The following GRID1 variants were observed in gnomAD, a reference collection of about 807,000 sequenced individuals.
GRID1 encodes glutamate ionotropic receptor delta type subunit 1.
GRID1 carries 28 observed loss-of-function variants against 98.0 expected under a neutral mutation model. The ratio of observed to expected loss-of-function variants is 0.29; its 90% CI spans 0.21 to 0.39. The LOEUF is 0.39. GRID1 is among the 10% of genes least tolerant of loss of function. The pLI, the probability that GRID1 is intolerant of heterozygous loss-of-function variation, is 1.00. For synonymous variants in GRID1, 553 were observed against 538.5 expected, an observed-to-expected ratio of 1.03 and a Z score of -0.37; for missense variants, 1,111 against 1,340.5, an observed-to-expected ratio of 0.83 and a Z score of 2.67.
At position 86,192,973 on chromosome 10, in the gene GRID1, A is replaced by G. The variant is rs1209396292; in HGVS notation, c.520+13391T>C. Among the ~76,000 whole-genome samples the G allele has an allele frequency of 6.6e-6, 1 of 151,958 alleles. No homozygotes were observed. The highest frequency in any genetic ancestry group is 1.5e-5 in the Non-Finnish European group (1 of 67,924). On this transcript the variant is annotated intron_variant, in intron 3 of 15. Coordinates refer to ENST00000327946, the MANE Select transcript of GRID1 (RefSeq NM_017551.3). This position sits in a 1 kb window ranked among gnomAD's most constrained non-coding sequence, Gnocchi z 4.8. ...GAGGCCAGAGCGTGTGTCTCAGGAG[A>G]GCCCGGGAGGATGGGAAGCAAGGAA...
At chr10:85,972,907 C>T (rs2131856038) in intron 4 of GRID1, among the ~76,000 whole-genome samples, 1 of 152,292 alleles carries the variant, frequency 6.6e-6, no homozygotes, top group South Asian at 2.1e-4. Flanking sequence ...AGCATTACTA[C>T]TTTTAATCAT....
chr10:85,608,578 CTCAATACTTGAATTATAT>C (rs1842698594), intron 15 of GRID1, among the ~76,000 whole-genome samples: 1 of 152,184 alleles, frequency 6.6e-6, no homozygotes, highest in Admixed American at 6.5e-5. Flanking sequence ...ATAGAAAGTG[CTCAATACTTGAATTATAT>C]TCATCACCCC....
At chr10:85,713,025 G>A (rs547208743) in intron 12 of GRID1, among the ~76,000 whole-genome samples, 29 of 151,534 alleles carry the variant, frequency 1.9e-4, no homozygotes, top group Admixed American at 4.6e-4. Flanking sequence ...AAGAACAAAC[G>A]AAGCCCAAAG....
chr10:85,649,423 T>C (rs752479060), intron 12 of GRID1, among the ~76,000 whole-genome samples: 2 of 152,206 alleles, frequency 1.3e-5, no homozygotes, highest in Admixed American at 6.5e-5. Flanking sequence ...AGATGTTCCT[T>C]TGCCTGAAGG....
At chr10:85,733,011 A>C (rs1173285354) in intron 8 of GRID1, among the ~76,000 whole-genome samples, 1 of 152,164 alleles carries the variant, frequency 6.6e-6, no homozygotes, top group Non-Finnish European at 1.5e-5. Context: ...TGTTGAAATA[A>C]GATTTCACTT....
chr10:85,767,796 C>T (rs1015995436), intron 8 of GRID1, among the ~76,000 whole-genome samples: 4 of 152,160 alleles, frequency 2.6e-5, no homozygotes, highest in Admixed American at 6.5e-5. Context: ...GCACCCATCC[C>T]GTCCTGATGC....
intron 8 of GRID1, among the ~76,000 whole-genome samples, chr10:85,796,844 T>C (rs1001772577): frequency 6.6e-5 from 10 of 152,232 alleles, no homozygotes; most frequent in Non-Finnish European, 1.3e-4. Context: ...TGAAATTTTA[T>C]ATCCAGACAA....
At chr10:86,246,993 T>C (rs1466367214) in intron 2 of GRID1, among the ~76,000 whole-genome samples, 1 of 152,268 alleles carries the variant, frequency 6.6e-6, no homozygotes, top group Non-Finnish European at 1.5e-5. Context: ...GCTTATCCAA[T>C]TAGAAATGAG....
chr10:85,714,020 A>T (rs1841610285), intron 12 of GRID1, among the ~76,000 whole-genome samples: 1 of 152,000 alleles, frequency 6.6e-6, no homozygotes, highest in Non-Finnish European at 1.5e-5. Context: ...CAATACAAAG[A>T]AATAAAAGAT....
chr10:85,747,078 A>C (rs953677894), intron 8 of GRID1, among the ~76,000 whole-genome samples: 35 of 152,116 alleles, frequency 2.3e-4, no homozygotes, highest in African/African-American at 8.4e-4. Flanking sequence ...TTGTGAGTTA[A>C]ACAGAACAGA....
chr10:85,748,929 C>A (rs553441422), intron 8 of GRID1, among the ~76,000 whole-genome samples: 2 of 152,210 alleles, frequency 1.3e-5, no homozygotes, highest in African/African-American at 4.8e-5. Context: ...TTACTTAAGC[C>A]AAAGATTTCA....
intron 4 of GRID1, among the ~76,000 whole-genome samples, chr10:86,026,941 C>CT (rs947167301): frequency 3.3e-5 from 5 of 152,158 alleles, no homozygotes; most frequent in African/African-American, 1.2e-4. Flanking sequence ...CTCACAGCTG[C>CT]GTGGAGACAA....
intron 8 of GRID1, among the ~76,000 whole-genome samples, chr10:85,797,318 T>C: frequency 6.6e-6 from 1 of 152,216 alleles, no homozygotes; most frequent in East Asian, 1.9e-4. Context: ...ACTCGGGTAC[T>C]GAGTATAGTA....
Position 86,224,569 on chromosome 10 carries a change from A to G in GRID1, c.236-17921T>C, listed in dbSNP as rs746743982. 1.7e-4 allele frequency among the ~76,000 whole-genome samples: 26 copies of G among 151,826 alleles called. 1 individual carries two copies. Among genetic ancestry groups the G allele is most frequent in the Non-Finnish European group, 2.8e-4 (19 of 67,948 alleles). On this transcript the variant is annotated intron_variant, in intron 2 of 15. Coordinates refer to ENST00000327946, the MANE Select transcript of GRID1 (RefSeq NM_017551.3). ...CACAAAAATAGGGGAGACGCACTCT[A>G]CTCTCAAAGACCCCAGCCCAGATGG...
At chr10:85,613,834 C>T (rs1032774434) in intron 14 of GRID1, among the ~76,000 whole-genome samples, 187 bp from the exon 15 acceptor site, 2 of 152,200 alleles carry the variant, frequency 1.3e-5, no homozygotes, top group East Asian at 1.9e-4. Context: ...ATTCCCAAAA[C>T]GCACATTAGG....
chr10:86,208,295 G>T (rs752282466), intron 2 of GRID1, among the ~76,000 whole-genome samples: 9 of 152,144 alleles, frequency 5.9e-5, no homozygotes, highest in Non-Finnish European at 1.0e-4. Context: ...CTAAACAAGA[G>T]ATGATGAGAT....
At chr10:86,308,051 C>T (rs1394372758) in intron 2 of GRID1, among the ~76,000 whole-genome samples, 1 of 152,144 alleles carries the variant, frequency 6.6e-6, no homozygotes, top group African/African-American at 2.4e-5. Flanking sequence ...CAACAGCCCC[C>T]TACATCCCCT....
chr10:85,982,172 T>G lies in GRID1; in HGVS notation c.727-65933A>C, dbSNP rs184448846. Among the ~76,000 whole-genome samples the G allele has an allele frequency of 3.4e-3, 484 of 142,104 alleles. 9 individuals are homozygous for G. Among genetic ancestry groups the G allele is most frequent in the Admixed American group, 0.027 (374 of 13,886 alleles). 93.2% of individuals were successfully genotyped at this position (142,104 alleles called of 152,430 possible). On this transcript the variant is annotated intron_variant, in intron 4 of 15. Coordinates refer to ENST00000327946, the MANE Select transcript of GRID1 (RefSeq NM_017551.3). ...GGCCATTTAGTGAGGGCCTTGAAAG[T>G]GATGAAAAGGGCTCTTGCCACAAAA... is the stretch of plus-strand genomic sequence containing the variant.
chr10:85,933,985 T>C (rs1333047960), intron 4 of GRID1, among the ~76,000 whole-genome samples: 1 of 152,142 alleles, frequency 6.6e-6, no homozygotes, highest in African/African-American at 2.4e-5. Flanking sequence ...TCAACATAAA[T>C]ATAGGCTGAG....
Sources: gnomAD v4.1 joint callset for allele counts (sites outside exome capture counted in the v4.1 genomes callset) on GRCh38, gnomAD v4.1.1 for gene constraint, Gnocchi (gnomAD v3.1) non-coding constraint, MANE v1.5 for transcripts, NCBI Gene and HGNC (gene_info 2026-07-23, HGNC 2026-07-21) for gene names.